Variants in PHACTR1 observed in about 807,000 individuals in gnomAD.
PHACTR1 encodes phosphatase and actin regulator 1, also known as RPEL repeat containing 1.
Under a neutral mutation model 69.2 loss-of-function variants are expected in PHACTR1, and 16 were observed. The observed-to-expected ratio is 0.23, with a 90% confidence interval of 0.16 to 0.35. PHACTR1 has a LOEUF of 0.35. Among genes scored for constraint, PHACTR1 ranks in the 10% least tolerant of loss-of-function variants. PHACTR1 has a pLI of 1.00. For missense variants in PHACTR1, 510 were observed against 734.7 expected (o/e 0.69, Z 3.54); for synonymous variants, 312 against 284.5 (o/e 1.10, Z -0.97).
intron 4 of PHACTR1, among the ~76,000 whole-genome samples, chr6:12,896,443 T>C (rs925099127): frequency 5.9e-5 from 9 of 152,182 alleles, no homozygotes; most frequent in African/African-American, 2.2e-4. Flanking sequence ...ACTCTCAGCT[T>C]TCATTTTATG....
At chr6:12,847,346 A>G (rs186298268) in intron 4 of PHACTR1, among the ~76,000 whole-genome samples, 19 of 152,326 alleles carry the variant, frequency 1.2e-4, no homozygotes, top group Admixed American at 3.9e-4. Context: ...TTTGTAAACT[A>G]AAGATTCAGC....
At chr6:13,105,213 A>G (rs1815893687) in intron 5 of PHACTR1, among the ~76,000 whole-genome samples, 1 of 151,798 alleles carries the variant, frequency 6.6e-6, no homozygotes, top group African/African-American at 2.4e-5. Flanking sequence ...CCTTGTCTCT[A>G]CAAAAAAATT....
intron 4 of PHACTR1, among the ~76,000 whole-genome samples, chr6:12,820,161 G>A (rs1776043840): frequency 6.6e-6 from 1 of 152,112 alleles, no homozygotes; most frequent in Non-Finnish European, 1.5e-5. Flanking sequence ...TCACTCATCA[G>A]TAAACAAGTT....
At chr6:12,881,229 T>C (rs1379212905) in intron 4 of PHACTR1, among the ~76,000 whole-genome samples, 4 of 152,094 alleles carry the variant, frequency 2.6e-5, no homozygotes, top group Non-Finnish European at 5.9e-5. Context: ...CTTGTTGCCA[T>C]GGTGAATATT....
intron 10 of PHACTR1, among the ~76,000 whole-genome samples, chr6:13,241,634 A>C (rs1772852574): frequency 6.6e-6 from 1 of 152,158 alleles, no homozygotes; most frequent in Non-Finnish European, 1.5e-5. Context: ...CAGAGCACCA[A>C]ATGAGTAAGA....
At chr6:12,762,732 C>A (rs1283901818) in intron 4 of PHACTR1, among the ~76,000 whole-genome samples, 1 of 152,172 alleles carries the variant, frequency 6.6e-6, no homozygotes, top group Non-Finnish European at 1.5e-5. Context: ...CTGTAAATGA[C>A]ACTTGGTTTG....
At chr6:12,917,929 C>G (rs1787195669) in intron 4 of PHACTR1, among the ~76,000 whole-genome samples, 1 of 152,182 alleles carries the variant, frequency 6.6e-6, no homozygotes, top group Non-Finnish European at 1.5e-5. Flanking sequence ...GCACTAAACA[C>G]AGAATGCAAT....
At chr6:12,875,975 G>A (rs1057420741) in intron 4 of PHACTR1, among the ~76,000 whole-genome samples, 1 of 152,194 alleles carries the variant, frequency 6.6e-6, no homozygotes, top group African/African-American at 2.4e-5. Context: ...AAGGAGGTTA[G>A]GAACACGAAT....
At chr6:12,844,712 G>T (rs1779030217) in intron 4 of PHACTR1, among the ~76,000 whole-genome samples, 1 of 151,270 alleles carries the variant, frequency 6.6e-6, no homozygotes, top group African/African-American at 2.4e-5. Context: ...AATGTTTCAA[G>T]AAGTATTTGA....
chr6:12,733,328 C>A (rs1475994694), intron 3 of PHACTR1, among the ~76,000 whole-genome samples: 1 of 152,174 alleles, frequency 6.6e-6, no homozygotes, highest in African/African-American at 2.4e-5. Flanking sequence ...AAATACCTAA[C>A]ATATAACAGA....
chr6:12,896,835 T>C (rs1784719526), intron 4 of PHACTR1, among the ~76,000 whole-genome samples: 1 of 152,218 alleles, frequency 6.6e-6, no homozygotes, highest in Admixed American at 6.5e-5. Context: ...TTGTATTTTT[T>C]TTGGAGGGTC....
intron 8 of PHACTR1, among the ~76,000 whole-genome samples, chr6:13,217,821 T>C (rs1000377729): frequency 1.3e-5 from 2 of 152,254 alleles, no homozygotes; most frequent in African/African-American, 4.8e-5. Context: ...GCTGATTAAC[T>C]ATTTTCTTAG....
At chr6:13,166,018 C>G (rs79680184) in intron 6 of PHACTR1, among the ~76,000 whole-genome samples, 6,619 of 152,278 alleles carry the variant, frequency 0.043, 217 homozygotes, top group Non-Finnish European at 0.065. Flanking sequence ...CCCTAACTTT[C>G]GTTTTCACTC....
intron 5 of PHACTR1, among the ~76,000 whole-genome samples, chr6:13,109,058 T>G (rs1816603620): frequency 6.6e-6 from 1 of 152,072 alleles, no homozygotes; most frequent in Admixed American, 6.6e-5. Context: ...TACTACTGTA[T>G]GTGTAATATC....
chr6:13,000,614 GAGGAAGGA>G (rs796923836), intron 4 of PHACTR1, among the ~76,000 whole-genome samples: 4 of 103,650 alleles, frequency 3.9e-5, no homozygotes, highest in African/African-American at 9.3e-5. Flanking sequence ...GGAGGGAAGG[GAGGAAGGA>G]AGGAAGGAAG....
At chr6:13,276,194 C>A (rs117303766) in intron 11 of PHACTR1, 1 of 151,460 alleles carries the variant, frequency 6.6e-6, no homozygotes, top group East Asian at 1.9e-4. Flanking sequence ...CTCATGGTGA[C>A]GGTTTCAGGC....
At chr6:13,266,669 G>C (rs1470522312) in intron 10 of PHACTR1, 1 of 152,548 alleles carries the variant, frequency 6.6e-6, no homozygotes. Context: ...AAAGCAAGGA[G>C]TCTCACATTG....
chr6:13,234,465 T>C (rs1771689758), intron 10 of PHACTR1, among the ~76,000 whole-genome samples: 1 of 152,062 alleles, frequency 6.6e-6, no homozygotes, highest in Admixed American at 6.6e-5. Context: ...TCTGTGGTCC[T>C]CATGGAGTCA....
intron 11 of PHACTR1, chr6:13,274,556 C>T (rs2127456947): frequency 6.6e-6 from 1 of 152,318 alleles, no homozygotes; most frequent in Non-Finnish European, 1.5e-5. Context: ...GACCTAAACT[C>T]AAAGAAGCTA....
Sources: allele counts gnomAD v4.1 joint callset (sites outside exome capture counted in the v4.1 genomes callset), GRCh38; gene constraint gnomAD v4.1.1; transcripts MANE v1.5; gene names NCBI Gene and HGNC (gene_info 2026-07-23, HGNC 2026-07-21).